RABGAP1L: variants seen among roughly 807,000 people sequenced by gnomAD.
RABGAP1L encodes the protein rab GTPase-activating protein 1-like.
A neutral mutation model predicts 137.7 loss-of-function variants in RABGAP1L; 63 were observed. The observed-to-expected ratio is 0.46, with a 90% CI of 0.37 to 0.56. The LOEUF is 0.56. Among genes scored for constraint, RABGAP1L ranks in the 20% least tolerant of loss-of-function variants. RABGAP1L has a pLI of 0.00. For missense variants in RABGAP1L, 1,095 were observed against 1,244.0 expected, an observed-to-expected ratio of 0.88 and a Z score of 1.80; for synonymous variants, 431 against 433.7, an observed-to-expected ratio of 0.99 and a Z score of 0.08.
intron 21 of RABGAP1L, among the ~76,000 whole-genome samples, 188 bp downstream of exon 21, chr1:174,969,575 A>G (rs1472670950): frequency 6.6e-6 from 1 of 152,240 alleles, no homozygotes; most frequent in East Asian, 1.9e-4. Context: ...TCATTTCTAA[A>G]TAGCATGTGT....
chr1:174,274,258 A>T (rs1315062762), intron 8 of RABGAP1L, among the ~76,000 whole-genome samples: 1 of 152,122 alleles, frequency 6.6e-6, no homozygotes, highest in Admixed American at 6.6e-5. Flanking sequence ...ATAAATGAAG[A>T]TATATTTTTC....
chr1:174,677,880 C>T (rs1677758185), intron 14 of RABGAP1L, among the ~76,000 whole-genome samples: 1 of 151,306 alleles, frequency 6.6e-6, no homozygotes, highest in Non-Finnish European at 1.5e-5. Flanking sequence ...AAATTAAAAC[C>T]TAGATAAATA....
At chr1:174,978,752 G>T in intron 22 of RABGAP1L, 55 bp from the exon 23 acceptor site, 1 of 1,493,942 alleles carries the variant, frequency 6.7e-7, no homozygotes, top group Non-Finnish European at 8.9e-7. Context: ...ATAGATGTTT[G>T]TGAAAATTTA....
At chr1:174,300,042 C>T (rs1306954651) in intron 10 of RABGAP1L, among the ~76,000 whole-genome samples, 3 of 152,124 alleles carry the variant, frequency 2.0e-5, no homozygotes, top group Admixed American at 6.5e-5. Flanking sequence ...TTATGGTTGA[C>T]AGCATATACT....
At chr1:174,736,590 G>A (rs997084234) in intron 17 of RABGAP1L, among the ~76,000 whole-genome samples, 4 of 152,244 alleles carry the variant, frequency 2.6e-5, no homozygotes, top group African/African-American at 9.6e-5. Flanking sequence ...AGGACTCTGT[G>A]TGGGGGCTCC....
intron 13 of RABGAP1L, among the ~76,000 whole-genome samples, chr1:174,613,754 A>C (rs1341836103): frequency 4.6e-5 from 7 of 152,210 alleles, no homozygotes; most frequent in Admixed American, 2.6e-4. Context: ...TATTGGGTGC[A>C]TATATATTTA....
chr1:174,987,211 G>A (rs1237147001), intron 24 of RABGAP1L, among the ~76,000 whole-genome samples: 1 of 151,998 alleles, frequency 6.6e-6, no homozygotes, highest in Non-Finnish European at 1.5e-5. Context: ...TCTGTCGCCA[G>A]GCTGGAGTGC....
Position 174,322,529 on chromosome 1 carries a change from G to T in RABGAP1L, c.1465+17402G>T, listed in dbSNP as rs758407037. Among the ~76,000 whole-genome samples, 2 of 152,150 alleles carry T rather than the reference G, an allele frequency of 1.3e-5. 1 individual carries two copies. Among genetic ancestry groups the T allele is most frequent in the South Asian group, 4.1e-4 (2 of 4,836 alleles). On this transcript the variant is annotated intron_variant, in intron 11 of 25. Coordinates refer to ENST00000681986, the MANE Select transcript of RABGAP1L (RefSeq NM_001366446.1). The stretch of plus-strand genomic sequence containing the variant: ...TCTTCACATAAGTTTCTTTAGAGAG[G>T]CTGCTTGGTTGTCCTTATGATATAA...
chr1:174,818,855 AG>A (rs1474435210), intron 19 of RABGAP1L, among the ~76,000 whole-genome samples: 70 of 150,532 alleles, frequency 4.7e-4, no homozygotes, highest in African/African-American at 1.7e-3. Context: ...CCAGTAAAAA[AG>A]AAAAAAAAAA....
intron 12 of RABGAP1L, among the ~76,000 whole-genome samples, chr1:174,380,963 C>A (rs372116899): frequency 1.7e-5 from 2 of 116,326 alleles, no homozygotes; most frequent in Non-Finnish European, 3.5e-5. Context: ...GCTTTGAATG[C>A]GTCCCAGAGA....
intron 18 of RABGAP1L, among the ~76,000 whole-genome samples, chr1:174,791,190 CAAA>C: frequency 9.7e-6 from 1 of 102,692 alleles, no homozygotes; most frequent in East Asian, 2.5e-4. Flanking sequence ...GACTCCATCT[CAAA>C]AAAAAAAAAA....
At chr1:174,409,933 T>C (rs565883020) in intron 13 of RABGAP1L, among the ~76,000 whole-genome samples, 1 of 152,312 alleles carries the variant, frequency 6.6e-6, no homozygotes, top group East Asian at 1.9e-4. Flanking sequence ...TCAGGAGTTT[T>C]TGATTTTGCC....
At chr1:174,444,802 TTTTA>T (rs1448015014) in intron 13 of RABGAP1L, among the ~76,000 whole-genome samples, 12 of 152,098 alleles carry the variant, frequency 7.9e-5, no homozygotes, top group Admixed American at 3.9e-4. Flanking sequence ...TCATCTTTGA[TTTTA>T]TTTATTTGAG....
At chr1:174,215,973 G>A (rs540304239) in intron 1 of RABGAP1L, among the ~76,000 whole-genome samples, 167 of 152,286 alleles carry the variant, frequency 1.1e-3, no homozygotes, top group African/African-American at 3.7e-3. Flanking sequence ...TAAAGAAGAA[G>A]GAGATCCTGT....
intron 13 of RABGAP1L, among the ~76,000 whole-genome samples, chr1:174,615,880 G>A (rs1671795180): frequency 1.3e-5 from 2 of 152,254 alleles, no homozygotes; most frequent in South Asian, 4.1e-4. Context: ...GACCCTCCGA[G>A]CCAGGTGCAG....
At chr1:174,897,484 T>C (rs1193387651) in intron 19 of RABGAP1L, 1 of 152,216 alleles carries the variant, frequency 6.6e-6, no homozygotes, top group Non-Finnish European at 1.5e-5. Flanking sequence ...GGTTTCAGCC[T>C]GTTTCTGACC....
At chr1:174,578,641 A>AT in intron 13 of RABGAP1L, among the ~76,000 whole-genome samples, 1 of 152,202 alleles carries the variant, frequency 6.6e-6, no homozygotes, top group Non-Finnish European at 1.5e-5. Context: ...ATTTTAACAA[A>AT]ATATAAATAA....
chr1:174,623,307 G>T (rs1345897393), intron 13 of RABGAP1L, among the ~76,000 whole-genome samples: 2 of 152,112 alleles, frequency 1.3e-5, no homozygotes, highest in Non-Finnish European at 2.9e-5. Flanking sequence ...CCAATTTGTG[G>T]AGTCTAACCA....
chr1:174,581,201 A>G (rs958606259), intron 13 of RABGAP1L, among the ~76,000 whole-genome samples: 8 of 152,220 alleles, frequency 5.3e-5, no homozygotes, highest in Admixed American at 4.6e-4. Flanking sequence ...AAGCAAAGCA[A>G]CACAAAAACT....
Sources: gnomAD v4.1 joint callset for allele counts (sites outside exome capture counted in the v4.1 genomes callset) on GRCh38, gnomAD v4.1.1 for gene constraint, MANE v1.5 for transcripts, NCBI Gene and HGNC (gene_info 2026-07-23, HGNC 2026-07-21) for gene names.